Variants in SH3KBP1 observed in about 807,000 individuals in gnomAD.
SH3KBP1 encodes the protein SH3 domain containing kinase binding protein 1.
SH3KBP1 carries 8 observed loss-of-function variants against 50.1 expected under a neutral mutation model. The ratio of observed to expected loss-of-function variants is 0.16; its 90% CI spans 0.09 to 0.29. SH3KBP1 has a LOEUF of 0.29. Among genes scored for constraint, SH3KBP1 ranks in the 10% least tolerant of loss-of-function variants. The pLI is 1.00. For missense variants in SH3KBP1, 377 were observed against 535.2 expected, an observed-to-expected ratio of 0.70 and a Z score of 2.92; for synonymous variants, 227 against 218.6, an observed-to-expected ratio of 1.04 and a Z score of -0.34.
At chrX:19,843,746 T>C (rs1046499295) in intron 1 of SH3KBP1, among the ~76,000 whole-genome samples, 1 of 110,961 alleles carries the variant, frequency 9.0e-6, no homozygotes, top group Non-Finnish European at 1.9e-5. Flanking sequence ...GCAGGCCCAG[T>C]AGCAGCTCAA....
At chrX:19,624,567 C>T (rs748013460) in intron 8 of SH3KBP1, among the ~76,000 whole-genome samples, 2 of 111,842 alleles carry the variant, frequency 1.8e-5, no homozygotes, top group East Asian at 2.8e-4. Context: ...TGAACTAAAA[C>T]GATATTTTCT....
At chrX:19,599,042 T>A (rs1373675363) in intron 9 of SH3KBP1, among the ~76,000 whole-genome samples, 1 of 111,745 alleles carries the variant, frequency 8.9e-6, no homozygotes, top group Non-Finnish European at 1.9e-5. Flanking sequence ...GAATGAAGTA[T>A]GCCTGTCATT....
intron 2 of SH3KBP1, chrX:19,799,783 G>C: frequency 8.6e-7 from 1 of 1,168,381 alleles, no homozygotes; most frequent in Admixed American, 2.5e-5. Context: ...TGATTCACTT[G>C]GCAGCAAAAT....
intron 13 of SH3KBP1, among the ~76,000 whole-genome samples, chrX:19,553,204 A>G (rs2065293242): frequency 9.0e-6 from 1 of 110,968 alleles, no homozygotes; most frequent in African/African-American, 3.3e-5. Context: ...CCCTCTTAGG[A>G]TGGACTTGGT....
rs760892389 is a variant in SH3KBP1, at chrX:19,746,444, G to A, written c.163-3C>T. On this transcript the variant is annotated splice_region_variant and splice_polypyrimidine_tract_variant and intron_variant, in intron 2 of 17. Transcript: ENST00000397821. ...TTCTTCATCTCTTTCTTTATTTCCT[G>A]TGAGGACAGATAAAAGGAAAACAAG... 19 of 1,197,006 alleles carry A rather than the reference G, an allele frequency of 1.6e-5. No individual in the cohort carries two copies. The South Asian group carries it at 3.5e-4, about 22-fold the overall frequency.
intron 1 of SH3KBP1, among the ~76,000 whole-genome samples, chrX:19,852,786 C>T (rs967031882): frequency 9.0e-6 from 1 of 111,543 alleles, no homozygotes; most frequent in African/African-American, 3.3e-5. Flanking sequence ...GCTCTTTGAT[C>T]CAGTAAGTAC....
chrX:19,795,603 G>A (rs2066684547), intron 2 of SH3KBP1, among the ~76,000 whole-genome samples: 1 of 111,050 alleles, frequency 9.0e-6, no homozygotes, highest in Non-Finnish European at 1.9e-5. Context: ...CCACTCCTTC[G>A]GCAATTCTTA....
intron 1 of SH3KBP1, among the ~76,000 whole-genome samples, chrX:19,883,993 C>T (rs1350100508): frequency 8.9e-6 from 1 of 111,769 alleles, no homozygotes; most frequent in Non-Finnish European, 1.9e-5. Context: ...TTCCTTGTAC[C>T]ATCTTACTGA....
In SH3KBP1 at chrX:19,553,978, A is replaced by T. The variant is rs868350367; in HGVS notation, c.1385-3895T>A. Among the ~76,000 whole-genome samples the T allele has an allele frequency of 6.8e-5, 4 of 58,575 alleles. No individual in the cohort carries two copies. The South Asian group carries it at 1.8e-3, about 26-fold the overall frequency. 50.9% of individuals were successfully genotyped at this position (58,575 alleles called of 115,157 possible). A position where few individuals can be genotyped will look rare whatever the true frequency, so the allele number is the denominator to read the frequency against. On this transcript the variant is annotated intron_variant, in intron 13 of 17. Coordinates refer to ENST00000397821, the MANE Select transcript of SH3KBP1 (RefSeq NM_031892.3). ...AAATATAATATATAATATATATTAA[A>T]ATATAATATATAATATATATTAAAA...
intron 2 of SH3KBP1, among the ~76,000 whole-genome samples, chrX:19,822,235 C>T (rs1373332628): frequency 8.9e-6 from 1 of 112,224 alleles, no homozygotes; most frequent in Non-Finnish European, 1.9e-5. Context: ...AGTTTTCAGT[C>T]ATCATTTCGT....
intron 8 of SH3KBP1, among the ~76,000 whole-genome samples, chrX:19,619,764 AGAGT>A (rs1317135730): frequency 4.4e-5 from 5 of 112,468 alleles, no homozygotes; most frequent in Non-Finnish European, 7.5e-5. Flanking sequence ...CCTGGGCGAC[AGAGT>A]GAGACTTTGT....
chrX:19,705,237 T>C (rs12014415), intron 4 of SH3KBP1, among the ~76,000 whole-genome samples: 270 of 112,484 alleles, frequency 2.4e-3, no homozygotes, highest in African/African-American at 8.3e-3. Context: ...ATCATTGTTA[T>C]AATAGCTTCC....
At chrX:19,854,162 C>A (rs889096611) in intron 1 of SH3KBP1, among the ~76,000 whole-genome samples, 1 of 110,095 alleles carries the variant, frequency 9.1e-6, no homozygotes, top group East Asian at 2.9e-4. Context: ...ATTGCCCAGG[C>A]TGGAGTGCAG....
chrX:19,776,532 G>GTT lies in SH3KBP1; in HGVS notation c.163-30093_163-30092dup, dbSNP rs72090569. Reference sequence around the variant, plus strand: ...ATTCTAAATCTAGCTTGACAACCTGGTTTTTTTTTTTTTTTTTTTTTTTTT... The same window carrying GTT: ...ATTCTAAATCTAGCTTGACAACCTGGTTTTTTTTTTTTTTTTTTTTTTTTTTT... On this transcript the variant is annotated intron_variant, in intron 2 of 17. Coordinates refer to ENST00000397821, the MANE Select transcript of SH3KBP1 (RefSeq NM_031892.3). Among the ~76,000 whole-genome samples the GTT allele has an allele frequency of 9.7e-4, 25 of 25,681 alleles. 2 individuals are homozygous for GTT. The highest frequency in any genetic ancestry group is 2.0e-3 in the East Asian group (1 of 507). 22.3% of individuals were successfully genotyped at this position (25,681 alleles called of 115,157 possible).
At chrX:19,544,043 C>T (rs1047203437) in intron 15 of SH3KBP1, among the ~76,000 whole-genome samples, 19 of 110,883 alleles carry the variant, frequency 1.7e-4, no homozygotes, top group African/African-American at 6.2e-4. Context: ...CAGGCTACCC[C>T]AGCGCAGGAG....
chrX:19,686,125 G>A (rs567144690), intron 5 of SH3KBP1, among the ~76,000 whole-genome samples: 1 of 111,648 alleles, frequency 9.0e-6, no homozygotes, highest in Admixed American at 9.5e-5. Flanking sequence ...AACCACACAA[G>A]CATGGCCCGG....
intron 2 of SH3KBP1, among the ~76,000 whole-genome samples, chrX:19,773,776 A>G: frequency 9.7e-6 from 1 of 102,861 alleles, no homozygotes; most frequent in East Asian, 3.1e-4. Flanking sequence ...GAATGGCGTG[A>G]ACCCGGGAGG....
At chrX:19,878,328 C>T (rs1465273857) in intron 1 of SH3KBP1, among the ~76,000 whole-genome samples, 3 of 99,910 alleles carry the variant, frequency 3.0e-5, no homozygotes, top group African/African-American at 7.7e-5. Context: ...CCTTGAGACA[C>T]GGTCTCACTC....
intron 11 of SH3KBP1, among the ~76,000 whole-genome samples, chrX:19,589,045 C>T (rs1315431514): frequency 8.9e-6 from 1 of 111,805 alleles, no homozygotes; most frequent in Non-Finnish European, 1.9e-5. Flanking sequence ...CCCTTCTGGC[C>T]ACCGCCCACC....
Sources: gnomAD v4.1 joint callset for allele counts (sites outside exome capture counted in the v4.1 genomes callset) on GRCh38, gnomAD v4.1.1 for gene constraint, MANE v1.5 for transcripts, NCBI Gene and HGNC (gene_info 2026-07-23, HGNC 2026-07-21) for gene names.